REDIC1: variants seen among roughly 807,000 people sequenced by gnomAD.
REDIC1 encodes regulator of DNA class I crossover intermediates 1.
At chr12:39,670,339 T>C in the REDIC1 span, among the ~76,000 whole-genome samples, 1 of 152,126 alleles carries the variant, frequency 6.6e-6, no homozygotes, top group African/African-American at 2.4e-5. Flanking sequence ...TACAGGTGCA[T>C]GCCACCACAC....
chr12:39,870,744 C>G, the REDIC1 span, among the ~76,000 whole-genome samples: 1 of 152,276 alleles, frequency 6.6e-6, no homozygotes, highest in East Asian at 1.9e-4. Flanking sequence ...TGCAGTTCAG[C>G]ACACATTATT....
At chr12:39,683,034 A>T in the REDIC1 span, 1 of 1,613,286 alleles carries the variant, frequency 6.2e-7, no homozygotes, top group Non-Finnish European at 8.5e-7. Flanking sequence ...ATCCAGAAAA[A>T]TGTCAGCCAA....
chr12:39,696,844 A>T, the REDIC1 span, among the ~76,000 whole-genome samples: 1 of 152,180 alleles, frequency 6.6e-6, no homozygotes, highest in African/African-American at 2.4e-5. Flanking sequence ...AGAATTAGTG[A>T]GCTTGAAAGC....
the REDIC1 span, among the ~76,000 whole-genome samples, chr12:39,643,216 A>T: frequency 2.0e-5 from 3 of 151,758 alleles, no homozygotes; most frequent in African/African-American, 7.2e-5. Context: ...TTCAAACAGA[A>T]AGAAAATAAA....
the REDIC1 span, among the ~76,000 whole-genome samples, chr12:39,796,523 CT>C: frequency 2.6e-5 from 4 of 151,556 alleles, no homozygotes; most frequent in Non-Finnish European, 5.9e-5. Flanking sequence ...CCACTTTTTC[CT>C]TTTTTTCCAT....
At chr12:39,809,842 CT>C in the REDIC1 span, among the ~76,000 whole-genome samples, 1 of 152,202 alleles carries the variant, frequency 6.6e-6, no homozygotes, top group South Asian at 2.1e-4. Flanking sequence ...TGAACTCATC[CT>C]TTTTTATGGC....
chr12:39,626,426 G>T, the REDIC1 span: 1 of 1,597,934 alleles, frequency 6.3e-7, no homozygotes, highest in Non-Finnish European at 8.6e-7. Context: ...CTAGTTCCTG[G>T]CGGAGAGGTC....
chr12:39,764,437 T>C, the REDIC1 span: 3 of 1,531,152 alleles, frequency 2.0e-6, no homozygotes, highest in East Asian at 2.3e-5. Context: ...AACAAAACTA[T>C]GTTAGAAAAA....
the REDIC1 span, among the ~76,000 whole-genome samples, chr12:39,830,720 CATT>C: frequency 1.3e-5 from 2 of 151,980 alleles, no homozygotes; most frequent in East Asian, 1.9e-4. Flanking sequence ...CAACGAAAAA[CATT>C]ATGTCTAAAG....
the REDIC1 span, among the ~76,000 whole-genome samples, chr12:39,895,340 A>C: frequency 6.6e-6 from 1 of 151,432 alleles, no homozygotes; most frequent in Non-Finnish European, 1.5e-5. Flanking sequence ...AATACAAAAA[A>C]TTAGCCGGGC....
At chr12:39,713,003 GTATATATACA>G in the REDIC1 span, among the ~76,000 whole-genome samples, 7 of 137,838 alleles carry the variant, frequency 5.1e-5, no homozygotes, top group African/African-American at 5.6e-5. Flanking sequence ...ACGTGTATAT[GTATATATACA>G]TGTGTATATA....
At chr12:39,877,417 A>G in the REDIC1 span, among the ~76,000 whole-genome samples, 1 of 152,134 alleles carries the variant, frequency 6.6e-6, no homozygotes, top group African/African-American at 2.4e-5. Flanking sequence ...TGATTCAATT[A>G]CCTCCCATTG....
the REDIC1 span, among the ~76,000 whole-genome samples, chr12:39,668,356 G>T: frequency 7.2e-5 from 11 of 152,088 alleles, no homozygotes; most frequent in African/African-American, 2.4e-4. Flanking sequence ...GAAATTCTGG[G>T]TTGAAAATTC....
the REDIC1 span, among the ~76,000 whole-genome samples, chr12:39,681,133 G>A: frequency 1.3e-5 from 2 of 152,162 alleles, no homozygotes; most frequent in Non-Finnish European, 2.9e-5. Context: ...TCAGCCGGGT[G>A]TGGTGGCACA....
At chr12:39,702,462 A>G in the REDIC1 span, among the ~76,000 whole-genome samples, 1 of 152,170 alleles carries the variant, frequency 6.6e-6, no homozygotes. Flanking sequence ...AACCAAAAAG[A>G]GTCCAGGACC....
chr12:39,784,836 C>A, the REDIC1 span, among the ~76,000 whole-genome samples: 16 of 152,136 alleles, frequency 1.1e-4, no homozygotes, highest in Non-Finnish European at 1.8e-4. Context: ...TATGTTTTAG[C>A]AAGAGACTGG....
chr12:39,885,668 GAATT>G, the REDIC1 span, among the ~76,000 whole-genome samples: 1 of 152,106 alleles, frequency 6.6e-6, no homozygotes, highest in African/African-American at 2.4e-5. Flanking sequence ...CTCCTCTGAG[GAATT>G]AATTCTCTTC....
the REDIC1 span, among the ~76,000 whole-genome samples, chr12:39,699,790 C>T: frequency 3.3e-5 from 5 of 152,202 alleles, no homozygotes; most frequent in Admixed American, 1.3e-4. Flanking sequence ...TGACCCCTGA[C>T]CCCCGAGCAG....
At chr12:39,855,501 A>G in the REDIC1 span, among the ~76,000 whole-genome samples, 1 of 152,158 alleles carries the variant, frequency 6.6e-6, no homozygotes, top group Non-Finnish European at 1.5e-5. Context: ...ATCAGCCTTC[A>G]TTACACTGTT....
Sources: allele counts gnomAD v4.1 joint callset (sites outside exome capture counted in the v4.1 genomes callset), GRCh38; gene constraint gnomAD v4.1.1; transcripts MANE v1.5; gene names NCBI Gene and HGNC (gene_info 2026-07-23, HGNC 2026-07-21).